CADM1: variants seen among roughly 807,000 people sequenced by gnomAD.
CADM1 encodes the protein TSLC-1.
Under a neutral mutation model 53.1 loss-of-function variants are expected in CADM1, and 15 were observed. That is an observed-to-expected ratio of 0.28 (90% CI 0.19 to 0.44). The LOEUF is 0.44. Ranked by LOEUF, CADM1 falls within the 20% of genes least tolerant of loss-of-function variation. CADM1 has a pLI of 1.00. For synonymous variants in CADM1, 281 were observed against 243.0 expected (o/e 1.16, Z -1.45); for missense variants, 434 against 611.3 (o/e 0.71, Z 3.06).
chr11:115,347,304 C>T (rs1283393115), intron 1 of CADM1, among the ~76,000 whole-genome samples: 1 of 152,168 alleles, frequency 6.6e-6, no homozygotes, highest in Admixed American at 6.5e-5. Flanking sequence ...CCATTATACT[C>T]ACCCATTCAA....
At chr11:115,369,511 G>A (rs188269426) in intron 1 of CADM1, among the ~76,000 whole-genome samples, 56 of 152,036 alleles carry the variant, frequency 3.7e-4, no homozygotes, top group South Asian at 2.7e-3. Flanking sequence ...TTTTAAAGCC[G>A]GGAAGAAAAA....
At chr11:115,244,575 A>G (rs1049613019) in intron 1 of CADM1, among the ~76,000 whole-genome samples, 52 of 152,116 alleles carry the variant, frequency 3.4e-4, no homozygotes, top group Non-Finnish European at 1.5e-5. Context: ...CCTGAGACAG[A>G]GCGATTTAAA....
chr11:115,253,467 T>C (rs763075700), intron 1 of CADM1, among the ~76,000 whole-genome samples: 5 of 152,170 alleles, frequency 3.3e-5, no homozygotes, highest in Non-Finnish European at 7.3e-5. Flanking sequence ...ATTTTCCCCT[T>C]TCATTTGACA....
At chr11:115,345,812 G>T (rs1945561313) in intron 1 of CADM1, among the ~76,000 whole-genome samples, 1 of 152,236 alleles carries the variant, frequency 6.6e-6, no homozygotes, top group East Asian at 1.9e-4. Flanking sequence ...GGACCCTCTT[G>T]CTCTACCTCC....
intron 1 of CADM1, among the ~76,000 whole-genome samples, chr11:115,341,721 C>T (rs1945452798): frequency 6.6e-6 from 1 of 152,122 alleles, no homozygotes; most frequent in Non-Finnish European, 1.5e-5. Context: ...TTGGGAAGAC[C>T]ATGTATTTAC....
At position 115,270,698 on chromosome 11, in the gene CADM1, A is replaced by G. The variant is rs1335539925; in HGVS notation, c.125-30278T>C. Among the ~76,000 whole-genome samples, 5 of 152,306 alleles carry G rather than the reference A, an allele frequency of 3.3e-5. No individual in the cohort carries two copies. The East Asian group carries it at 7.7e-4, about 24-fold the overall frequency. ...TAAATGGGCATTCTTATCTCCCTGT[A>G]CATATTCCCAACTCTCACCCCCACT... is the stretch of plus-strand genomic sequence containing the variant. On this transcript the variant is annotated intron_variant, in intron 1 of 11. Coordinates refer to ENST00000331581, the MANE Select transcript of CADM1 (RefSeq NM_001301043.2).
At chr11:115,367,290 G>A (rs1209632646) in intron 1 of CADM1, among the ~76,000 whole-genome samples, 1 of 152,150 alleles carries the variant, frequency 6.6e-6, no homozygotes, top group East Asian at 1.9e-4. Flanking sequence ...CCTGAACGTT[G>A]TTAGAGATTA....
At chr11:115,408,377 G>A (rs1012165006) in intron 1 of CADM1, among the ~76,000 whole-genome samples, 11 of 152,162 alleles carry the variant, frequency 7.2e-5, no homozygotes, top group African/African-American at 2.7e-4. Flanking sequence ...TCCCTGATCA[G>A]TTTAAATCCC....
At chr11:115,211,481 T>TC (rs1159419050) in intron 7 of CADM1, among the ~76,000 whole-genome samples, 1 of 143,228 alleles carries the variant, frequency 7.0e-6, no homozygotes, top group Non-Finnish European at 1.5e-5. Flanking sequence ...ATTTCTTTTT[T>TC]TTTTTTTTTT....
At chr11:115,271,896 T>C (rs1943309733) in intron 1 of CADM1, among the ~76,000 whole-genome samples, 1 of 152,218 alleles carries the variant, frequency 6.6e-6, no homozygotes, top group African/African-American at 2.4e-5. Flanking sequence ...TTAGTCTCAA[T>C]AGATTTTGTA....
At position 115,238,861 on chromosome 11, in the gene CADM1, C is replaced by CAT. The variant is rs150429291; in HGVS notation, c.272-211_272-210dup. On this transcript the variant is annotated intron_variant, in intron 2 of 11. Transcript: ENST00000331581. ...GAGTGTGTGTGTATGTGTGCGTGTG[C>CAT]ATATATATATATATGCACACATATA... is the stretch of plus-strand genomic sequence containing the variant. 7.4e-3 allele frequency among the ~76,000 whole-genome samples: 1,102 copies of CAT among 149,812 alleles called. 14 individuals carry two copies. Among genetic ancestry groups the CAT allele is most frequent in the African/African-American group, 0.023 (930 of 40,910 alleles).
Position 115,169,689 on chromosome 11 carries a change from A to G in CADM1, c.*6785T>C. On this transcript the variant is annotated 3_prime_UTR_variant, in exon 12 of 12. Coordinates refer to ENST00000331581, the MANE Select transcript of CADM1 (RefSeq NM_001301043.2). ...GATAGTAATTTCGTCACTAGCTAAC[A>G]GAGACTGATTAGTGCAGAAGATTCC... 1 of 455,368 alleles carries G rather than the reference A, an allele frequency of 2.2e-6. No homozygotes were observed. Among genetic ancestry groups the G allele is most frequent in the Non-Finnish European group, 4.4e-6 (1 of 226,396 alleles). The allele number at this position is 455,368 out of a possible 1,614,324, so 28.2% of individuals were successfully genotyped here.
intron 1 of CADM1, among the ~76,000 whole-genome samples, chr11:115,384,906 C>T (rs1946662106): frequency 1.3e-5 from 2 of 152,114 alleles, no homozygotes; most frequent in African/African-American, 2.4e-5. Context: ...GTAATTGAAA[C>T]CTTCTTTGAG....
chr11:115,341,474 C>T (rs1372072821), intron 1 of CADM1, among the ~76,000 whole-genome samples: 1 of 152,182 alleles, frequency 6.6e-6, no homozygotes. Flanking sequence ...AAGATAACCT[C>T]TATATAAACA....
intron 1 of CADM1, among the ~76,000 whole-genome samples, chr11:115,494,260 G>T (rs1426650970): frequency 2.0e-5 from 3 of 152,066 alleles, no homozygotes; most frequent in East Asian, 1.9e-4. Flanking sequence ...TGAAATAAAA[G>T]TTGAGGGAAA....
chr11:115,416,147 A>G (rs1468676116), intron 1 of CADM1, among the ~76,000 whole-genome samples: 1 of 152,234 alleles, frequency 6.6e-6, no homozygotes, highest in Non-Finnish European at 1.5e-5. Context: ...GCCAAGTCAA[A>G]CCATTAATAT....
intron 6 of CADM1, among the ~76,000 whole-genome samples, chr11:115,215,488 T>C (rs1941142105): frequency 6.6e-6 from 1 of 152,184 alleles, no homozygotes; most frequent in South Asian, 2.1e-4. Context: ...GAACTTTCCC[T>C]GTGTGTGCAC....
intron 1 of CADM1, among the ~76,000 whole-genome samples, chr11:115,349,285 T>C (rs1945663291): frequency 6.6e-6 from 1 of 152,222 alleles, no homozygotes; most frequent in Non-Finnish European, 1.5e-5. Flanking sequence ...CCTATTAGTT[T>C]TGAATATTTA....
intron 3 of CADM1, among the ~76,000 whole-genome samples, chr11:115,236,756 T>TAAAACAA (rs1453850824): frequency 2.0e-5 from 3 of 152,086 alleles, no homozygotes; most frequent in African/African-American, 7.2e-5. Flanking sequence ...AAAAAAAATT[T>TAAAACAA]AAAACAAAAG....
Sources: gnomAD v4.1 joint callset for allele counts (sites outside exome capture counted in the v4.1 genomes callset) on GRCh38, gnomAD v4.1.1 for gene constraint, MANE v1.5 for transcripts, NCBI Gene and HGNC (gene_info 2026-07-23, HGNC 2026-07-21) for gene names.